The following ASTN2 variants were observed in gnomAD, a reference collection of about 807,000 sequenced individuals.
ASTN2 encodes astrotactin 2.
In ASTN2, 54 loss-of-function variants were observed where a neutral mutation model predicts 139.8. That is an observed-to-expected ratio of 0.39 (90% CI 0.31 to 0.48). The LOEUF is 0.48. Among genes scored for constraint, ASTN2 ranks in the 20% least tolerant of loss-of-function variants. The probability of loss-of-function intolerance (pLI) is 0.95; values close to 1 mark genes in which losing one functional copy is unlikely to be tolerated. For missense variants in ASTN2, 1,565 were observed against 1,725.1 expected, an observed-to-expected ratio of 0.91 and a Z score of 1.64; for synonymous variants, 756 against 719.5, an observed-to-expected ratio of 1.05 and a Z score of -0.81.
In ASTN2 at chr9:116,456,017, A is replaced by G. The variant is rs558605563; in HGVS notation, c.3498-13464T>C. On this transcript the variant is annotated intron_variant, in intron 20 of 22. Coordinates refer to ENST00000313400, the MANE Select transcript of ASTN2 (RefSeq NM_001365068.1). ...AACATAGTACTAGAAGCCTAGCTAG[A>G]GAAATCAGGTAAGAGAAAGAAATAA... Among the ~76,000 whole-genome samples the G allele has an allele frequency of 2.0e-5, 3 of 152,278 alleles. No individual in the cohort carries two copies. The East Asian group carries it at 5.8e-4, about 29-fold the overall frequency.
chr9:116,990,136 T>G lies in ASTN2; in HGVS notation c.1592-13351A>C, dbSNP rs537278727. Among the ~76,000 whole-genome samples, 15 of 152,316 alleles carry G rather than the reference T, an allele frequency of 9.8e-5. No individual in the cohort carries two copies. The South Asian group carries it at 2.9e-3, about 30-fold the overall frequency. On this transcript the variant is annotated intron_variant, in intron 7 of 22. Coordinates refer to ENST00000313400, the MANE Select transcript of ASTN2 (RefSeq NM_001365068.1). The stretch of plus-strand genomic sequence containing the variant: ...TTCCTTATCCACAAATATAAAAAAG[T>G]ATGGTCTGCCTTCTTTAAGGTTCAA...
At chr9:116,800,164 A>G (rs1390151161) in intron 13 of ASTN2, among the ~76,000 whole-genome samples, 1 of 151,420 alleles carries the variant, frequency 6.6e-6, no homozygotes, top group Non-Finnish European at 1.5e-5. Context: ...TCTTGCACAC[A>G]TTTCCCCCTT....
chr9:117,375,452 G>T lies in ASTN2; in HGVS notation c.442+39045C>A, dbSNP rs2900139. Among the ~76,000 whole-genome samples the T allele has an allele frequency of 3.3e-5, 5 of 152,204 alleles. No individual in the cohort carries two copies. In the East Asian group the frequency reaches 9.6e-4, roughly 29 times the overall value. On this transcript the variant is annotated intron_variant, in intron 1 of 22. Transcript: ENST00000313400. ...ATGTCTGTACCACCAGTTCACAGTC[G>T]TAGGTCAAGGAAAATAATAACTTCC...
chr9:117,201,363 CT>C (rs1831711548), intron 3 of ASTN2, among the ~76,000 whole-genome samples: 1 of 151,802 alleles, frequency 6.6e-6, no homozygotes, highest in Non-Finnish European at 1.5e-5. Flanking sequence ...TTTCATGTCT[CT>C]ATCTCCTTCA....
chr9:117,239,837 C>A (rs1052337910), intron 2 of ASTN2, among the ~76,000 whole-genome samples: 1 of 152,178 alleles, frequency 6.6e-6, no homozygotes, highest in African/African-American at 2.4e-5. Context: ...GTGGTCCTTT[C>A]TCTAAACATA....
chr9:116,847,017 A>AC (rs1832452800), intron 11 of ASTN2, among the ~76,000 whole-genome samples: 2 of 143,766 alleles, frequency 1.4e-5, no homozygotes, highest in South Asian at 2.2e-4. Context: ...CAAAAAAAAA[A>AC]AAAAAAAAAC....
chr9:116,548,165 C>T (rs1244567514), intron 19 of ASTN2, among the ~76,000 whole-genome samples: 1 of 152,238 alleles, frequency 6.6e-6, no homozygotes. Flanking sequence ...CTTAATGGGG[C>T]TGTGTCTGGG....
intron 3 of ASTN2, among the ~76,000 whole-genome samples, chr9:117,170,263 C>T (rs535497268): frequency 4.7e-4 from 72 of 152,156 alleles, no homozygotes; most frequent in Non-Finnish European, 7.2e-4. Context: ...CCAGCCACTC[C>T]AAATACAATG....
chr9:116,729,328 C>T (rs978808694), intron 14 of ASTN2, among the ~76,000 whole-genome samples: 1 of 152,208 alleles, frequency 6.6e-6, no homozygotes. Context: ...CTTTACCCTA[C>T]AAGCAAGAGC....
At chr9:116,679,740 C>T (rs1308423148) in intron 16 of ASTN2, among the ~76,000 whole-genome samples, 4 of 152,148 alleles carry the variant, frequency 2.6e-5, no homozygotes, top group South Asian at 2.1e-4. Flanking sequence ...CGCTCAACTA[C>T]ATGGAAACTG....
chr9:117,393,519 G>C (rs1830597843), intron 1 of ASTN2, among the ~76,000 whole-genome samples: 4 of 152,220 alleles, frequency 2.6e-5, no homozygotes, highest in Admixed American at 1.3e-4. Flanking sequence ...ATGAGACAAG[G>C]ATGGGGAGGA....
intron 19 of ASTN2, among the ~76,000 whole-genome samples, chr9:116,537,216 A>G (rs150364282): frequency 0.039 from 5,961 of 152,192 alleles, 416 homozygotes; most frequent in African/African-American, 0.14. Flanking sequence ...GAAATTACCC[A>G]TCTTCTGTGT....
chr9:116,949,348 A>T (rs903879821), intron 10 of ASTN2, among the ~76,000 whole-genome samples: 10 of 145,928 alleles, frequency 6.9e-5, no homozygotes, highest in Non-Finnish European at 1.3e-4. Flanking sequence ...ATATATTTTT[A>T]AAAAATCGTA....
chr9:117,379,037 C>T (rs1830197593), intron 1 of ASTN2, among the ~76,000 whole-genome samples: 1 of 152,162 alleles, frequency 6.6e-6, no homozygotes, highest in African/African-American at 2.4e-5. Context: ...TTGCCTTCCA[C>T]CATGATTGGA....
intron 11 of ASTN2, among the ~76,000 whole-genome samples, chr9:116,856,922 C>G (rs1212868721): frequency 6.6e-6 from 1 of 152,176 alleles, no homozygotes; most frequent in Non-Finnish European, 1.5e-5. Context: ...CACTCTAAGA[C>G]CCAGCGAGTA....
At chr9:117,251,462 C>T (rs778037228) in intron 2 of ASTN2, among the ~76,000 whole-genome samples, 2 of 151,842 alleles carry the variant, frequency 1.3e-5, no homozygotes, top group Non-Finnish European at 2.9e-5. Flanking sequence ...TTGAAAAAAA[C>T]ATAAGCTTCA....
At chr9:117,173,855 T>A (rs2132931152) in intron 3 of ASTN2, among the ~76,000 whole-genome samples, 1 of 151,952 alleles carries the variant, frequency 6.6e-6, no homozygotes, top group Non-Finnish European at 1.5e-5. Context: ...TAAAAATTAA[T>A]GATATAGAAG....
intron 2 of ASTN2, among the ~76,000 whole-genome samples, chr9:117,225,486 G>A (rs1252533897): frequency 1.4e-5 from 2 of 143,120 alleles, no homozygotes; most frequent in Admixed American, 7.3e-5. Context: ...AGGCCGAGGC[G>A]GGTGGGTCAT....
intron 13 of ASTN2, among the ~76,000 whole-genome samples, chr9:116,768,706 A>G (rs1384804987): frequency 2.0e-5 from 3 of 152,150 alleles, no homozygotes; most frequent in South Asian, 2.1e-4. Flanking sequence ...CTCTTCCACC[A>G]TTTGAGGATA....
Sources: allele counts gnomAD v4.1 joint callset (sites outside exome capture counted in the v4.1 genomes callset), GRCh38; gene constraint gnomAD v4.1.1; transcripts MANE v1.5; gene names NCBI Gene and HGNC (gene_info 2026-07-23, HGNC 2026-07-21).